Variants in PTPN14 observed in about 807,000 individuals in gnomAD.
PTPN14 encodes the protein protein tyrosine phosphatase non-receptor type 14.
In PTPN14, 53 loss-of-function variants were observed where a neutral mutation model predicts 126.8. The observed-to-expected ratio is 0.42, with a 90% confidence interval of 0.34 to 0.53. The LOEUF is 0.53. PTPN14 is among the 20% of genes least tolerant of loss of function. The pLI is 0.08. For synonymous variants in PTPN14, 630 were observed against 599.3 expected (o/e 1.05, Z -0.75); for missense variants, 1,257 against 1,552.9 (o/e 0.81, Z 3.20).
chr1:214,490,969 G>A (rs1339429815), intron 1 of PTPN14, among the ~76,000 whole-genome samples: 1 of 61,152 alleles, frequency 1.6e-5, no homozygotes, highest in Non-Finnish European at 4.8e-5. Flanking sequence ...AGGAAGGAAG[G>A]GAAGGAAAGG....
intron 1 of PTPN14, among the ~76,000 whole-genome samples, chr1:214,542,616 A>G (rs1655867653): frequency 6.6e-6 from 1 of 152,144 alleles, no homozygotes; most frequent in African/African-American, 2.4e-5. Context: ...TGACCCAGAG[A>G]GAGATTAGGG....
intron 18 of PTPN14, among the ~76,000 whole-genome samples, chr1:214,362,809 C>T (rs544040778): frequency 6.6e-6 from 1 of 152,112 alleles, no homozygotes; most frequent in South Asian, 2.1e-4. Flanking sequence ...TTGAGGCCAG[C>T]CTGGGCAACA....
chr1:214,373,606 CACCT>C, intron 15 of PTPN14, among the ~76,000 whole-genome samples: 1 of 136,072 alleles, frequency 7.3e-6, no homozygotes, highest in Admixed American at 7.4e-5. Flanking sequence ...CACACACACA[CACCT>C]GGTCATGACC....
At chr1:214,406,972 A>C (rs979773584) in intron 5 of PTPN14, among the ~76,000 whole-genome samples, 1 of 152,172 alleles carries the variant, frequency 6.6e-6, no homozygotes. Context: ...TTTGACACAA[A>C]CATGTACACA....
At position 214,376,365 on chromosome 1, in the gene PTPN14, C is replaced by T. The variant is rs754766309; in HGVS notation, c.2761G>A (p.Ala921Thr). 1 of 1,614,166 alleles carries T rather than the reference C, an allele frequency of 6.2e-7. No individual in the cohort carries two copies. Among genetic ancestry groups the T allele is most frequent in the South Asian group, 1.1e-5 (1 of 91,088 alleles). ...GCTGCTGTGCTGAAAATGCCATTCG[C>T]CTTTTTCTTTGGAATTTGCTCATAT... Reference protein sequence around the residue: ...TEYEQIPKKKANGIFSTAALP... With the variant: ...TEYEQIPKKKTNGIFSTAALP... The change falls in exon 15 of 19, where the codon GCG (alanine) becomes ACG (threonine). Residue 921 changes from alanine (A) to threonine (T), a missense_variant. Ala to Thr is a moderately conservative substitution (Grantham distance 58, BLOSUM62 0). This residue lies in a region of PTPN14 where 65 missense variants were observed against 139.7 expected (regional missense o/e 0.47). Transcript: ENST00000366956.
chr1:214,527,565 AT>A (rs1382827910), intron 1 of PTPN14, among the ~76,000 whole-genome samples: 1 of 152,134 alleles, frequency 6.6e-6, no homozygotes, highest in Non-Finnish European at 1.5e-5. Context: ...TTAATTATAT[AT>A]TTTTTAATAA....
chr1:214,517,765 C>A (rs1042054281), intron 1 of PTPN14, among the ~76,000 whole-genome samples: 14 of 151,830 alleles, frequency 9.2e-5, no homozygotes, highest in African/African-American at 2.2e-4. Context: ...GCCAACATAG[C>A]GAAACTGTGT....
At chr1:214,442,849 G>T (rs1389411188) in intron 3 of PTPN14, among the ~76,000 whole-genome samples, 1 of 147,670 alleles carries the variant, frequency 6.8e-6, no homozygotes, top group African/African-American at 2.5e-5. Flanking sequence ...TTGAGACGGA[G>T]TTTCACTCTT....
chr1:214,549,282 A>C (rs1234713287), intron 1 of PTPN14, among the ~76,000 whole-genome samples: 1 of 152,216 alleles, frequency 6.6e-6, no homozygotes, highest in Non-Finnish European at 1.5e-5. Context: ...GCATTGTAAG[A>C]AACTTTTCTA....
At chr1:214,396,394 G>A (rs1658880130) in intron 8 of PTPN14, among the ~76,000 whole-genome samples, 1 of 152,160 alleles carries the variant, frequency 6.6e-6, no homozygotes, top group South Asian at 2.1e-4. Context: ...TAATAGTGCT[G>A]CACCCAGCTT....
At chr1:214,521,361 G>C (rs1029502770) in intron 1 of PTPN14, among the ~76,000 whole-genome samples, 49 of 152,176 alleles carry the variant, frequency 3.2e-4, no homozygotes, top group Admixed American at 7.2e-4. Flanking sequence ...TAAAACGGCA[G>C]ATGCCTTCCT....
At chr1:214,536,236 A>C (rs999006321) in intron 1 of PTPN14, among the ~76,000 whole-genome samples, 1 of 151,812 alleles carries the variant, frequency 6.6e-6, no homozygotes, top group Non-Finnish European at 1.5e-5. Context: ...GATGAAACCC[A>C]TAACTATGAA....
In PTPN14 at chr1:214,372,518, A is replaced by T. The variant is rs942769190; in HGVS notation, c.3036+193T>A. Reference sequence around the variant, plus strand: ...AAATGGGAGGAGGAAAAGCTACAACAATCAATTATCTCCAGGGGAAAAAAT... The same window carrying T: ...AAATGGGAGGAGGAAAAGCTACAACTATCAATTATCTCCAGGGGAAAAAAT... On this transcript the variant is annotated intron_variant, in intron 16 of 18. Coordinates refer to ENST00000366956, the MANE Select transcript of PTPN14 (RefSeq NM_005401.5). 4.4e-5 allele frequency: 34 copies of T among 774,678 alleles called. No individual in the cohort carries two copies. In the African/African-American group the frequency reaches 4.9e-4, roughly 11 times the overall value. 48.0% of individuals were successfully genotyped at this position (774,678 alleles called of 1,614,324 possible).
intron 1 of PTPN14, among the ~76,000 whole-genome samples, chr1:214,491,030 GAAGGAAGA>G (rs1270332387): frequency 7.5e-4 from 107 of 141,954 alleles, no homozygotes; most frequent in East Asian, 3.1e-3. Context: ...AGAAAGGAAG[GAAGGAAGA>G]AAGAAAGAAA....
intron 3 of PTPN14, among the ~76,000 whole-genome samples, chr1:214,449,242 G>A (rs1014327095): frequency 3.3e-5 from 5 of 151,868 alleles, no homozygotes; most frequent in African/African-American, 7.2e-5. Flanking sequence ...TCCTGACCTC[G>A]TGATCCGCCC....
intron 7 of PTPN14, among the ~76,000 whole-genome samples, chr1:214,398,602 A>ATGCCC (rs1451473467): frequency 8.9e-6 from 1 of 112,758 alleles, no homozygotes; most frequent in East Asian, 2.6e-4. Flanking sequence ...ATGCACCACC[A>ATGCCC]TGCCCTGCTA....
chr1:214,384,645 T>G lies in PTPN14; in HGVS notation c.1210A>C (p.Ile404Leu), dbSNP rs1658565918. Reference sequence around the variant, plus strand: ...TTGGAGGATACAGGGGAGGCCTGGATGAAACTTTGCGAGCAGTTGAGGGAG... The same window carrying G: ...TTGGAGGATACAGGGGAGGCCTGGAGGAAACTTTGCGAGCAGTTGAGGGAG... ...VNSLNCSQSF[I>L]QASPVSSNLS... Residue 404 changes from isoleucine (I) to leucine (L), a missense_variant, in exon 13 of 19, where the codon ATC becomes CTC. Around this residue, in one of 3 missense-constraint regions of PTPN14, gnomAD observed 1,021 missense variants for 1,183.3 expected, o/e 0.86. Coordinates refer to ENST00000366956, the MANE Select transcript of PTPN14 (RefSeq NM_005401.5). This position sits in a 1 kb window ranked among gnomAD's most constrained non-coding sequence, Gnocchi z 5.3. The G allele has an allele frequency of 3.1e-6, 5 of 1,614,114 alleles. No individual in the cohort carries two copies. The highest frequency in any genetic ancestry group is 4.2e-6 in the Non-Finnish European group (5 of 1,180,022).
At position 214,402,899 on chromosome 1, in the gene PTPN14, C is replaced by T. The variant is rs1659067764; in HGVS notation, c.565G>A (p.Glu189Lys). Residue 189 changes from glutamate to lysine, a missense_variant, in exon 6 of 19, where the codon GAA becomes AAA. Transcript: ENST00000366956. ...LEELTQKVAQ[E>K]HKAHSGILPA... ...CTGCCTTACCTGTGGGCTTTGTGTT[C>T]TTGGGCTACCTTCTGGGTCAGCTCC... 2 of 1,613,972 alleles carry T rather than the reference C, an allele frequency of 1.2e-6. No individual in the cohort carries two copies. The highest frequency in any genetic ancestry group is 2.2e-5 in the East Asian group (1 of 44,854).
chr1:214,443,384 C>G (rs1369354029), intron 3 of PTPN14, among the ~76,000 whole-genome samples: 1 of 152,088 alleles, frequency 6.6e-6, no homozygotes, highest in African/African-American at 2.4e-5. Context: ...GAGTCAGATC[C>G]AGAAGCAGAA....
Sources: allele counts gnomAD v4.1 joint callset (sites outside exome capture counted in the v4.1 genomes callset), GRCh38; gene constraint gnomAD v4.1.1; regional missense constraint gnomAD v4.1.1; non-coding constraint Gnocchi (gnomAD v3.1); transcripts MANE v1.5; gene names NCBI Gene and HGNC (gene_info 2026-07-23, HGNC 2026-07-21).